TSPAN1: variants seen among roughly 807,000 people sequenced by gnomAD.
TSPAN1 encodes tetraspanin-1.
Under a neutral mutation model 26.9 loss-of-function variants are expected in TSPAN1, and 23 were observed. The observed-to-expected ratio is 0.85, with a 90% CI of 0.62 to 1.21. The LOEUF is 1.21. Among genes scored for constraint, TSPAN1 ranks in the 50% most tolerant of loss-of-function variants. The pLI, the probability that TSPAN1 is intolerant of heterozygous loss-of-function variation, is 0.00. For missense variants in TSPAN1, 283 were observed against 298.4 expected (o/e 0.95, Z 0.38); for synonymous variants, 115 against 114.8 (o/e 1.00, Z -0.01).
chr1:46,190,780 GC>G, downstream of TSPAN1: 1 of 1,612,586 alleles, frequency 6.2e-7, no homozygotes, highest in Non-Finnish European at 8.5e-7. Context: ...CTTGAAGTAG[GC>G]CTCCTGGAGT....
downstream of TSPAN1, chr1:46,190,813 C>T (rs775333411): frequency 3.2e-6 from 5 of 1,579,620 alleles, no homozygotes; most frequent in South Asian, 5.5e-5. Context: ...TGAAAATCAG[C>T]ACCTCACATT....
chr1:46,187,065 C>T (rs1657449719), downstream of TSPAN1, among the ~76,000 whole-genome samples: 1 of 152,236 alleles, frequency 6.6e-6, no homozygotes, highest in South Asian at 2.1e-4. Context: ...GCCTCAGCCT[C>T]CCAAAGAGCT....
Position 46,185,263 on chromosome 1 carries a change from T to C in TSPAN1, c.633T>C (p.Asn211=). The change falls in exon 8 of 9, where the codon AAT becomes AAC. Residue 211 remains asparagine, a synonymous_variant. Coordinates refer to ENST00000372003, the MANE Select transcript of TSPAN1 (RefSeq NM_005727.4). ...FNQLLYDIRT[N]AVTVGGVAAG... is the part of the protein sequence containing the mutation. ...AGCTTTTGTATGACATCCGAACTAA[T>C]GCAGTCACCGTGGGTGGTGTGGCAG... The C allele has an allele frequency of 5.6e-6, 9 of 1,614,132 alleles. No individual in the cohort carries two copies. The highest frequency in any genetic ancestry group is 6.8e-6 in the Non-Finnish European group (8 of 1,180,004).
At chr1:46,176,496 G>C (rs759316927) in intron 1 of TSPAN1, 7 of 1,533,852 alleles carry the variant, frequency 4.6e-6, no homozygotes, top group South Asian at 3.6e-5. Flanking sequence ...TCTGCAGTGT[G>C]CCTGGGGGGT....
intron 1 of TSPAN1, among the ~76,000 whole-genome samples, chr1:46,178,005 T>C (rs958455645): frequency 6.6e-6 from 1 of 152,218 alleles, no homozygotes; most frequent in Non-Finnish European, 1.5e-5. Flanking sequence ...CAACTTCTTA[T>C]GTGCCAAGCA....
chr1:46,177,545 G>A (rs539209139), intron 1 of TSPAN1, among the ~76,000 whole-genome samples: 23 of 152,136 alleles, frequency 1.5e-4, no homozygotes, highest in South Asian at 4.1e-4. Flanking sequence ...TACAACTGGG[G>A]ACCATTTTAG....
downstream of TSPAN1, chr1:46,189,228 G>C (rs1470155625): frequency 1.3e-6 from 2 of 1,593,200 alleles, no homozygotes; most frequent in African/African-American, 1.4e-5. Context: ...AGCCAGCCTG[G>C]GGGTACACAG....
rs372580265 is a variant in TSPAN1, at chr1:46,184,396, C to T, written c.263C>T (p.Thr88Met). The change falls in exon 4 of 9, where the codon ACG (threonine) becomes ATG (methionine). Residue 88 changes from threonine to methionine, a missense_variant and splice_region_variant. Physicochemically the swap from Thr to Met is moderately conservative, Grantham distance 81. Coordinates refer to ENST00000372003, the MANE Select transcript of TSPAN1 (RefSeq NM_005727.4). ...AKTESKCALVTFFFILLLIFI... is the reference protein window; with the variant it reads ...AKTESKCALVMFFFILLLIFI... Reference sequence around the variant, plus strand: ...ACTGAGAGCAAGTGTGCCCTCGTGACGGTGTGTGAAACCCAGCTCCACAGG... The same window carrying T: ...ACTGAGAGCAAGTGTGCCCTCGTGATGGTGTGTGAAACCCAGCTCCACAGG... 2.4e-5 allele frequency: 39 copies of T among 1,613,900 alleles called. No individual in the cohort carries two copies. In the Admixed American group the frequency reaches 2.8e-4, roughly 12 times the overall value.
the TSPAN1 span, chr1:46,196,045 C>T: frequency 6.2e-7 from 1 of 1,614,020 alleles, no homozygotes; most frequent in Non-Finnish European, 8.5e-7. The surrounding 1 kb of genome is among the most constrained non-coding windows in gnomAD (Gnocchi z 4.4). Context: ...CATGGATGCC[C>T]CGGCCCTGCT....
At chr1:46,176,602 T>A in intron 1 of TSPAN1, 1 of 1,100,590 alleles carries the variant, frequency 9.1e-7, no homozygotes, top group Non-Finnish European at 1.3e-6. Flanking sequence ...CCCCTCCTCA[T>A]GGGTCAGGCT....
the TSPAN1 span, chr1:46,192,549 C>A: frequency 6.2e-7 from 1 of 1,614,204 alleles, no homozygotes; most frequent in Non-Finnish European, 8.5e-7. Flanking sequence ...GCAGTACAGG[C>A]TGTCATCCTC....
chr1:46,183,956 A>G, intron 3 of TSPAN1: 1 of 577,506 alleles, frequency 1.7e-6, no homozygotes, highest in Non-Finnish European at 3.1e-6. Flanking sequence ...GGATATTTCT[A>G]GAACCCCTGA....
chr1:46,192,501 T>C, the TSPAN1 span: 3 of 1,614,118 alleles, frequency 1.9e-6, no homozygotes, highest in Non-Finnish European at 2.5e-6. Flanking sequence ...TGCTAAACCC[T>C]GGTCATTCCA....
rs1305504799 is a variant in TSPAN1 at position 46,175,315 on chromosome 1, A to G, written c.-236A>G. The G allele has an allele frequency of 3.0e-6, 1 of 333,614 alleles. No homozygotes were observed. Among genetic ancestry groups the G allele is most frequent in the Non-Finnish European group, 5.4e-6 (1 of 185,608 alleles). 20.7% of individuals were successfully genotyped at this position (333,614 alleles called of 1,614,324 possible). On this transcript the variant is annotated 5_prime_UTR_variant, in exon 1 of 9. Transcript: ENST00000372003. Reference sequence around the variant, plus strand: ...CCCCTACTTCATGGGGCAGATCAAGAGCTGAGACCAAAGATGGTCTATGTT... The same window carrying G: ...CCCCTACTTCATGGGGCAGATCAAGGGCTGAGACCAAAGATGGTCTATGTT...
chr1:46,190,020 GACA>G (rs1557669505), downstream of TSPAN1: 1 of 1,612,496 alleles, frequency 6.2e-7, no homozygotes, highest in East Asian at 2.2e-5. Flanking sequence ...ATATAGCCAA[GACA>G]GGGCCCACTT....
In TSPAN1 at chr1:46,175,358, C is replaced by T. The variant is rs996877115; in HGVS notation, c.-193C>T. The stretch of plus-strand genomic sequence containing the variant: ...TCTATGTTGCTGACCTTGTCCTGTC[C>T]TCCTGCTGTCTTAAACTATGATCCC... On this transcript the variant is annotated 5_prime_UTR_variant, in exon 1 of 9. Transcript: ENST00000372003. The T allele has an allele frequency of 5.3e-6, 2 of 376,554 alleles. No homozygotes were observed. The highest frequency in any genetic ancestry group is 9.1e-5 in the Admixed American group (2 of 21,962). 23.3% of individuals were successfully genotyped at this position (376,554 alleles called of 1,614,324 possible).
chr1:46,192,016 A>G, the TSPAN1 span: 1 of 1,504,528 alleles, frequency 6.6e-7, no homozygotes, highest in African/African-American at 1.4e-5. Context: ...AGCAAGTAGC[A>G]GAGCTAAGAT....
chr1:46,188,140 C>A (rs1657478372), downstream of TSPAN1, among the ~76,000 whole-genome samples: 1 of 152,144 alleles, frequency 6.6e-6, no homozygotes, highest in African/African-American at 2.4e-5. Flanking sequence ...TGATGAAGAC[C>A]ATGACCCATT....
intron 2 of TSPAN1, among the ~76,000 whole-genome samples, 167 bp from the exon 3 acceptor site, chr1:46,180,933 T>C (rs1219775971): frequency 6.6e-6 from 1 of 151,788 alleles, no homozygotes; most frequent in Non-Finnish European, 1.5e-5. Context: ...GGTGTTAGGA[T>C]AGAAACTGGG....
Sources: allele counts gnomAD v4.1 joint callset (sites outside exome capture counted in the v4.1 genomes callset), GRCh38; gene constraint gnomAD v4.1.1; non-coding constraint Gnocchi (gnomAD v3.1); transcripts MANE v1.5; gene names NCBI Gene and HGNC (gene_info 2026-07-23, HGNC 2026-07-21).